C7orf57: variants seen among roughly 807,000 people sequenced by gnomAD.
The protein encoded by C7orf57 is chromosome 7 open reading frame 57.
C7orf57 carries 33 observed loss-of-function variants against 39.0 expected under a neutral mutation model. That is an observed-to-expected ratio of 0.85 (90% CI 0.64 to 1.13). The LOEUF is 1.13. Among genes scored for constraint, C7orf57 ranks in the 50% most tolerant of loss-of-function variants. The pLI is 0.00. For synonymous variants in C7orf57, 124 were observed against 137.1 expected (o/e 0.90, Z 0.67); for missense variants, 346 against 362.3 (o/e 0.95, Z 0.37).
chr7:48,035,662 G>T lies in C7orf57; in HGVS notation c.-102+32G>T, dbSNP rs1790328675. On this transcript the variant is annotated intron_variant, in intron 1 of 8. Coordinates refer to ENST00000348904, the MANE Select transcript of C7orf57 (RefSeq NM_001100159.3). This position sits in a 1 kb window ranked among gnomAD's most constrained non-coding sequence, Gnocchi z 4.0. ...CTGAGCGGGCTGGAGGACAATGGGG[G>T]CGCCCACTGTGGTCCCGGGCCTTGT... is the stretch of plus-strand genomic sequence containing the variant. The T allele has an allele frequency of 1.5e-6, 1 of 645,498 alleles. No homozygotes were observed. Among genetic ancestry groups the T allele is most frequent in the Non-Finnish European group, 2.8e-6 (1 of 356,736 alleles). The allele number at this position is 645,498 out of a possible 1,614,324, so 40.0% of individuals were successfully genotyped here. A position where few individuals can be genotyped will look rare whatever the true frequency, so the allele number is the denominator to read the frequency against.
chr7:48,042,685 TAA>T (rs535635578), intron 3 of C7orf57, among the ~76,000 whole-genome samples: 14 of 136,550 alleles, frequency 1.0e-4, no homozygotes, highest in East Asian at 2.1e-4. Flanking sequence ...GCTTTAAAAG[TAA>T]AAAAAAAAAA....
intron 8 of C7orf57, among the ~76,000 whole-genome samples, chr7:48,059,163 A>C (rs1261238206): frequency 6.6e-6 from 1 of 152,186 alleles, no homozygotes; most frequent in African/African-American, 2.4e-5. Context: ...CTCCACTGTC[A>C]GTCTGACCAC....
chr7:48,055,029 A>G (rs1273445027), intron 8 of C7orf57, among the ~76,000 whole-genome samples: 1 of 152,180 alleles, frequency 6.6e-6, no homozygotes, highest in African/African-American at 2.4e-5. Context: ...GGCGCCCGCC[A>G]CAACGCCCAG....
intron 6 of C7orf57, 130 bp from the exon 7 acceptor site, chr7:48,052,570 C>A: frequency 1.4e-6 from 1 of 706,962 alleles, no homozygotes. Flanking sequence ...GAGGGAAAGA[C>A]AGAGAGAGAG....
intron 3 of C7orf57, among the ~76,000 whole-genome samples, chr7:48,042,452 G>A (rs1014505593): frequency 6.6e-6 from 1 of 152,150 alleles, no homozygotes; most frequent in Non-Finnish European, 1.5e-5. Flanking sequence ...ATCTGCTGAG[G>A]TATAGGGGGA....
At chr7:48,037,749 C>CTGTG (rs71006544) in intron 2 of C7orf57, among the ~76,000 whole-genome samples, 280 of 150,684 alleles carry the variant, frequency 1.9e-3, no homozygotes, top group African/African-American at 6.3e-3. Flanking sequence ...CTTTAACCCT[C>CTGTG]TGTGTGTGTG....
chr7:48,051,831 CT>C (rs1389611585), intron 6 of C7orf57, among the ~76,000 whole-genome samples: 1 of 44,584 alleles, frequency 2.2e-5, no homozygotes. Flanking sequence ...TTCTTTCTTT[CT>C]TTCTTTCTTT....
At chr7:48,041,156 C>T (rs1378221869) in intron 2 of C7orf57, among the ~76,000 whole-genome samples, 178 bp from the exon 3 acceptor site, 1 of 152,162 alleles carries the variant, frequency 6.6e-6, no homozygotes, top group Non-Finnish European at 1.5e-5. Flanking sequence ...GATTGCATAG[C>T]TGGTGTTATG....
At chr7:48,055,504 T>C (rs184207024) in intron 8 of C7orf57, among the ~76,000 whole-genome samples, 1 of 152,298 alleles carries the variant, frequency 6.6e-6, no homozygotes, top group Admixed American at 6.5e-5. Flanking sequence ...TTTTGAAATA[T>C]ACAATATATT....
chr7:48,047,022 T>C (rs1790737996), intron 5 of C7orf57, among the ~76,000 whole-genome samples: 2 of 152,218 alleles, frequency 1.3e-5, no homozygotes, highest in South Asian at 4.1e-4. Context: ...GAAGAGAAGA[T>C]GAATTCTCTT....
chr7:48,040,910 A>C (rs11984172), intron 2 of C7orf57, among the ~76,000 whole-genome samples: 3,997 of 152,346 alleles, frequency 0.026, 169 homozygotes, highest in African/African-American at 0.091. Flanking sequence ...CATGTATTCC[A>C]CAGGCTTACC....
intron 7 of C7orf57, among the ~76,000 whole-genome samples, chr7:48,053,917 G>A (rs1458410295): frequency 6.6e-6 from 1 of 152,176 alleles, no homozygotes; most frequent in Non-Finnish European, 1.5e-5. Flanking sequence ...CTTTGATTAA[G>A]AGGAAAGATG....
intron 8 of C7orf57, among the ~76,000 whole-genome samples, chr7:48,055,257 T>A (rs989127415): frequency 1.3e-5 from 2 of 152,282 alleles, no homozygotes; most frequent in Admixed American, 6.5e-5. Flanking sequence ...CATGTGAGAG[T>A]CATACTGGAA....
At chr7:48,038,267 T>C (rs1790442633) in intron 2 of C7orf57, among the ~76,000 whole-genome samples, 1 of 152,234 alleles carries the variant, frequency 6.6e-6, no homozygotes, top group Non-Finnish European at 1.5e-5. Context: ...CTCATTTCTC[T>C]GTGCTTACAT....
At chr7:48,055,844 A>AT (rs907833987) in intron 8 of C7orf57, among the ~76,000 whole-genome samples, 3 of 151,834 alleles carry the variant, frequency 2.0e-5, no homozygotes, top group African/African-American at 4.8e-5. Context: ...TATATACCAC[A>AT]TTTTTTTTCC....
intron 7 of C7orf57, among the ~76,000 whole-genome samples, chr7:48,054,213 G>A (rs1244190744): frequency 6.6e-6 from 1 of 152,128 alleles, no homozygotes; most frequent in Non-Finnish European, 1.5e-5. Flanking sequence ...TCAGGAGTTC[G>A]AGACCAGCCT....
At chr7:48,059,349 G>C (rs542741978) in intron 8 of C7orf57, among the ~76,000 whole-genome samples, 6 of 152,144 alleles carry the variant, frequency 3.9e-5, no homozygotes, top group South Asian at 2.1e-4. Context: ...TCTTGTCAAG[G>C]CTTCTTATTT....
Position 48,043,539 on chromosome 7 carries a change from G to A in C7orf57, c.300G>A (p.Leu100=). 6.2e-7 allele frequency: 1 copy of A among 1,613,946 alleles called. No homozygotes were observed. Among genetic ancestry groups the A allele is most frequent in the Non-Finnish European group, 8.5e-7 (1 of 1,179,876 alleles). The change falls in exon 4 of 9, where the codon CTG becomes CTA. Residue 100 remains leucine, a synonymous_variant. Transcript: ENST00000348904. ...AAGGCTCTCCAGTGGCCTACTCCCT[G>A]CCAGACTGGTATATCCACCACAGCA... ...TRKGSPVAYS[L]PDWYIHHSKP...
At chr7:48,036,173 G>A in intron 1 of C7orf57, 35 bp from the exon 2 acceptor site, 1 of 878,556 alleles carries the variant, frequency 1.1e-6, no homozygotes, top group South Asian at 1.4e-5. Context: ...CGTACAGACC[G>A]ACCCAGAGCG....
Sources: gnomAD v4.1 joint callset for allele counts (sites outside exome capture counted in the v4.1 genomes callset) on GRCh38, gnomAD v4.1.1 for gene constraint, Gnocchi (gnomAD v3.1) non-coding constraint, MANE v1.5 for transcripts, NCBI Gene and HGNC (gene_info 2026-07-23, HGNC 2026-07-21) for gene names.